Variants in CAMK1D observed in about 807,000 individuals in gnomAD.
The protein encoded by CAMK1D is calcium/calmodulin-dependent protein kinase type 1D.
A neutral mutation model predicts 47.7 loss-of-function variants in CAMK1D; 9 were observed. That is an observed-to-expected ratio of 0.19 (90% CI 0.11 to 0.33). The LOEUF (loss-of-function observed/expected upper bound fraction) is 0.33, where lower values mean the gene tolerates loss of function less well. CAMK1D is among the 10% of genes least tolerant of loss of function. The pLI, the probability that CAMK1D is intolerant of heterozygous loss-of-function variation, is 1.00. For missense variants in CAMK1D, 291 were observed against 488.7 expected (o/e 0.60, Z 3.81); for synonymous variants, 184 against 184.9 (o/e 0.99, Z 0.04).
At chr10:12,748,623 G>A (rs1253789098) in intron 3 of CAMK1D, among the ~76,000 whole-genome samples, 1 of 152,216 alleles carries the variant, frequency 6.6e-6, no homozygotes, top group Non-Finnish European at 1.5e-5. Context: ...ACAGTAGCTA[G>A]TCCCACAGCT....
intron 1 of CAMK1D, among the ~76,000 whole-genome samples, chr10:12,419,194 C>T (rs564267636): frequency 2.0e-5 from 3 of 151,946 alleles, no homozygotes; most frequent in Non-Finnish European, 4.4e-5. Flanking sequence ...ATATATTTTC[C>T]TCAAAACTCA....
intron 5 of CAMK1D, among the ~76,000 whole-genome samples, chr10:12,771,043 C>T (rs796779774): frequency 1.6e-4 from 25 of 152,172 alleles, no homozygotes; most frequent in African/African-American, 5.8e-4. Flanking sequence ...GGTTCTCCTG[C>T]CTCAGCCTCC....
In CAMK1D at chr10:12,427,847, A is replaced by C. The variant is rs137876330; in HGVS notation, c.92+77937A>C. On this transcript the variant is annotated intron_variant, in intron 1 of 10. Coordinates refer to ENST00000619168, the MANE Select transcript of CAMK1D (RefSeq NM_153498.4). ...CTCAGCCTCCTGAGTAGCGGGGATTACAGGTGCATGCCACCATGCCTGGCT... is the reference window on the plus strand; with the variant it reads ...CTCAGCCTCCTGAGTAGCGGGGATTCCAGGTGCATGCCACCATGCCTGGCT... Among the ~76,000 whole-genome samples, 757 of 150,820 alleles carry C rather than the reference A, an allele frequency of 5.0e-3. 4 individuals are homozygous for C. Among genetic ancestry groups the C allele is most frequent in the Middle Eastern group, 0.01 (3 of 288 alleles).
At chr10:12,630,388 T>TA (rs1554800264) in intron 2 of CAMK1D, among the ~76,000 whole-genome samples, 8,708 of 142,166 alleles carry the variant, frequency 0.061, 311 homozygotes, top group Non-Finnish European at 0.076. Context: ...TTTTTTTTTT[T>TA]AAAAAAAAGA....
At chr10:12,550,492 C>T (rs925511210) in intron 1 of CAMK1D, among the ~76,000 whole-genome samples, 1 of 152,136 alleles carries the variant, frequency 6.6e-6, no homozygotes, top group Admixed American at 6.5e-5. Flanking sequence ...AGGGATGGTG[C>T]GTGGGCTCAG....
intron 2 of CAMK1D, among the ~76,000 whole-genome samples, chr10:12,631,874 G>A (rs1839389310): frequency 6.6e-6 from 1 of 152,178 alleles, no homozygotes; most frequent in Non-Finnish European, 1.5e-5. Context: ...CTACCTGAAA[G>A]TTTCTCCAGG....
intron 8 of CAMK1D, among the ~76,000 whole-genome samples, chr10:12,821,193 C>T (rs1190920006): frequency 2.0e-5 from 3 of 152,160 alleles, no homozygotes; most frequent in Non-Finnish European, 4.4e-5. Context: ...TGAGGGCCGT[C>T]GACTGATTGA....
At chr10:12,777,601 C>T (rs1214890504) in intron 5 of CAMK1D, among the ~76,000 whole-genome samples, 1 of 151,964 alleles carries the variant, frequency 6.6e-6, no homozygotes, top group African/African-American at 2.4e-5. Flanking sequence ...CTCGAACTCC[C>T]AACCTCAGGT....
intron 1 of CAMK1D, among the ~76,000 whole-genome samples, chr10:12,387,371 AT>A: frequency 2.0e-5 from 1 of 51,186 alleles, no homozygotes; most frequent in East Asian, 9.2e-4. Flanking sequence ...TATAATATAT[AT>A]ATTATATATT....
intron 1 of CAMK1D, among the ~76,000 whole-genome samples, chr10:12,401,193 TTTA>T (rs1839190598): frequency 4.1e-5 from 2 of 48,576 alleles, no homozygotes; most frequent in African/African-American, 1.9e-4. Context: ...ATATATATAT[TTTA>T]TATATATATA....
chr10:12,444,308 A>C (rs1832868702), intron 1 of CAMK1D, among the ~76,000 whole-genome samples: 1 of 152,174 alleles, frequency 6.6e-6, no homozygotes, highest in African/African-American at 2.4e-5. Flanking sequence ...GCTCTGGTTC[A>C]AACGCCTCTG....
At chr10:12,419,361 G>C (rs1382194076) in intron 1 of CAMK1D, among the ~76,000 whole-genome samples, 1 of 152,086 alleles carries the variant, frequency 6.6e-6, no homozygotes, top group Non-Finnish European at 1.5e-5. Flanking sequence ...GGGTTATCCC[G>C]ACACCTGTGA....
At chr10:12,506,098 C>T (rs1421597326) in intron 1 of CAMK1D, among the ~76,000 whole-genome samples, 1 of 152,128 alleles carries the variant, frequency 6.6e-6, no homozygotes. Flanking sequence ...CAGCTTGTTT[C>T]CTGAGGTTGC....
intron 1 of CAMK1D, among the ~76,000 whole-genome samples, chr10:12,515,405 T>TTCTTTTTTTTTTC (rs1564383885): frequency 4.9e-5 from 4 of 82,278 alleles, no homozygotes; most frequent in Non-Finnish European, 7.4e-5. Context: ...TCCTTTTCTT[T>TTCTTTTTTTTTTC]TTTTTTTTTT....
chr10:12,824,702 G>A (rs774272636), intron 9 of CAMK1D, 150 bp downstream of exon 9: 19 of 641,940 alleles, frequency 3.0e-5, no homozygotes, highest in Non-Finnish European at 5.3e-5. Flanking sequence ...GGAATATTAT[G>A]GTGTAAGAGG....
At chr10:12,516,617 G>A (rs1227717576) in intron 1 of CAMK1D, among the ~76,000 whole-genome samples, 1 of 152,226 alleles carries the variant, frequency 6.6e-6, no homozygotes, top group Non-Finnish European at 1.5e-5. Flanking sequence ...AGCGTATCAT[G>A]ATGCTGTTGC....
At chr10:12,458,362 G>GT (rs1435676029) in intron 1 of CAMK1D, among the ~76,000 whole-genome samples, 1 of 152,156 alleles carries the variant, frequency 6.6e-6, no homozygotes, top group African/African-American at 2.4e-5. Flanking sequence ...CAGAGGGGAC[G>GT]TTCATTGCTG....
At chr10:12,564,333 CT>C (rs1837057809) in intron 2 of CAMK1D, among the ~76,000 whole-genome samples, 1 of 151,436 alleles carries the variant, frequency 6.6e-6, no homozygotes, top group African/African-American at 2.4e-5. Flanking sequence ...TTCTGTTAAG[CT>C]TTATGTTGTG....
chr10:12,552,727 C>G (rs1174632363), intron 1 of CAMK1D, among the ~76,000 whole-genome samples: 1 of 151,770 alleles, frequency 6.6e-6, no homozygotes, highest in African/African-American at 2.4e-5. Flanking sequence ...TGTGTATTTC[C>G]TTTTTGAAAA....
Sources: allele counts gnomAD v4.1 joint callset (sites outside exome capture counted in the v4.1 genomes callset), GRCh38; gene constraint gnomAD v4.1.1; transcripts MANE v1.5; gene names NCBI Gene and HGNC (gene_info 2026-07-23, HGNC 2026-07-21).